The following DEPDC5 variants were observed in gnomAD, a reference collection of about 807,000 sequenced individuals.
DEPDC5 encodes GATOR1 complex protein DEPDC5.
A neutral mutation model predicts 217.3 loss-of-function variants in DEPDC5; 73 were observed. That is an observed-to-expected ratio of 0.34 (90% CI 0.28 to 0.41). The LOEUF (loss-of-function observed/expected upper bound fraction) is 0.41, where lower values mean the gene tolerates loss of function less well. DEPDC5 is among the 10% of genes least tolerant of loss of function. DEPDC5 has a pLI of 1.00. For synonymous variants in DEPDC5, 733 were observed against 756.7 expected (o/e 0.97, Z 0.51); for missense variants, 1,675 against 2,070.1 (o/e 0.81, Z 3.70).
chr22:31,902,432 A>G (rs1460350468), intron 41 of DEPDC5, among the ~76,000 whole-genome samples: 10 of 135,654 alleles, frequency 7.4e-5, no homozygotes, highest in Non-Finnish European at 1.4e-4. Flanking sequence ...ATATATATAT[A>G]TATACTTATA....
chr22:31,754,840 T>C lies in DEPDC5; in HGVS notation c.-60-22T>C. 2.6e-6 allele frequency: 4 copies of C among 1,530,768 alleles called. No homozygotes were observed. The South Asian group carries it at 4.5e-5, about 17-fold the overall frequency. 94.8% of individuals were successfully genotyped at this position (1,530,768 alleles called of 1,614,324 possible). On this transcript the variant is annotated intron_variant, in intron 1 of 42. Coordinates refer to ENST00000651528, the MANE Select transcript of DEPDC5 (RefSeq NM_001242896.3). ...AGGAAAAATCTGACATTCCAACCTT[T>C]TCGTTTGTATTTCTGTGGCAGGGAG... is the stretch of plus-strand genomic sequence containing the variant.
chr22:31,760,055 G>A (rs2082261598), intron 3 of DEPDC5, among the ~76,000 whole-genome samples: 1 of 147,050 alleles, frequency 6.8e-6, no homozygotes, highest in African/African-American at 2.6e-5. Flanking sequence ...TAGTGCGTAT[G>A]GAGTTTCTTT....
intron 4 of DEPDC5, among the ~76,000 whole-genome samples, chr22:31,761,545 C>T (rs1004929749): frequency 2.0e-5 from 3 of 151,670 alleles, no homozygotes; most frequent in African/African-American, 7.3e-5. Flanking sequence ...CGCTTATAGT[C>T]CTAGCTACTC....
intron 7 of DEPDC5, among the ~76,000 whole-genome samples, chr22:31,777,383 C>T (rs2083983435): frequency 6.6e-6 from 1 of 151,854 alleles, no homozygotes; most frequent in South Asian, 2.1e-4. Context: ...GCCTCAGCGT[C>T]CTGAGTAGCT....
At chr22:31,792,955 A>C (rs1179874713) in intron 12 of DEPDC5, 138 bp downstream of exon 12, 1 of 596,304 alleles carries the variant, frequency 1.7e-6, no homozygotes, top group African/African-American at 2.0e-5. Context: ...TTGTGGTCCC[A>C]GCTACTTGGG....
At chr22:31,810,711 C>T in intron 20 of DEPDC5, 70 bp downstream of exon 20, 1 of 1,570,582 alleles carries the variant, frequency 6.4e-7, no homozygotes, top group South Asian at 1.2e-5. Context: ...CAGTAGTGAC[C>T]TCTAAGAGAG....
At position 31,813,200 on chromosome 22, in the gene DEPDC5, C is replaced by A. The variant is rs142701929; in HGVS notation, c.1446-1792C>A. ...CTTAGAGCTCAGAATTAAGTGCTGT[C>A]AGCAGCCTCTCTCCTATGTGTGGAT... is the stretch of plus-strand genomic sequence containing the variant. On this transcript the variant is annotated intron_variant, in intron 20 of 42. Transcript: ENST00000651528. 3.1e-3 allele frequency among the ~76,000 whole-genome samples: 477 copies of A among 152,282 alleles called. 3 individuals are homozygous for A. The highest frequency in any genetic ancestry group is 5.3e-3 in the Non-Finnish European group (359 of 68,034).
At chr22:31,868,821 C>CT (rs1318726374) in intron 33 of DEPDC5, among the ~76,000 whole-genome samples, 2 of 152,306 alleles carry the variant, frequency 1.3e-5, no homozygotes, top group African/African-American at 4.8e-5. Flanking sequence ...TTAGGAGGTT[C>CT]TAAGAGCCTT....
chr22:31,774,930 A>G (rs562667042), intron 7 of DEPDC5, among the ~76,000 whole-genome samples: 1 of 151,838 alleles, frequency 6.6e-6, no homozygotes, highest in East Asian at 2.0e-4. Flanking sequence ...CCTCCTTATT[A>G]CAATATTAAA....
chr22:31,896,014 A>C (rs1269418800), intron 39 of DEPDC5, among the ~76,000 whole-genome samples: 1 of 151,310 alleles, frequency 6.6e-6, no homozygotes, highest in East Asian at 1.9e-4. Flanking sequence ...CCTACTAGAT[A>C]AGCATATCCC....
chr22:31,788,123 G>C (rs2047006338), intron 10 of DEPDC5, among the ~76,000 whole-genome samples: 1 of 151,694 alleles, frequency 6.6e-6, no homozygotes, highest in Non-Finnish European at 1.5e-5. Context: ...AATGGGCAAA[G>C]GACTTGAATC....
Position 31,809,173 on chromosome 22 carries a change from G to A in DEPDC5, c.1288-438G>A, listed in dbSNP as rs143893190. Among the ~76,000 whole-genome samples the A allele has an allele frequency of 2.0e-4, 30 of 152,204 alleles. 1 individual carries two copies. The East Asian group carries it at 5.8e-3, about 29-fold the overall frequency. ...CTTGTACTTCATTTCAGCAAATTGG[G>A]TGATATACAGAGTGCTCAGCTCTGG... On this transcript the variant is annotated intron_variant, in intron 18 of 42. Coordinates refer to ENST00000651528, the MANE Select transcript of DEPDC5 (RefSeq NM_001242896.3).
At chr22:31,816,369 T>C (rs1428276072) in intron 21 of DEPDC5, 1 of 152,092 alleles carries the variant, frequency 6.6e-6, no homozygotes, top group Non-Finnish European at 1.5e-5. Context: ...GCATTGATTT[T>C]GTACCGAATT....
chr22:31,897,637 C>G lies in DEPDC5; in HGVS notation c.4359C>G (p.Ser1453Arg). The change falls in exon 40 of 43, where the codon AGC (serine) becomes AGG (arginine). Residue 1453 changes from serine to arginine, a missense_variant. By Grantham distance (110) the Ser-to-Arg change is moderately radical (BLOSUM62 -1). Transcript: ENST00000651528. ...TCAGCTGCTTGCTCAAGGAGGGCAG[C>G]GAGCACCTGTTTGATAGTAAGAAAT... ...LNISCLLKEG[S>R]EHLFDSFEPE... 1 of 1,613,984 alleles carries G rather than the reference C, an allele frequency of 6.2e-7. No individual in the cohort carries two copies. Among genetic ancestry groups the G allele is most frequent in the Non-Finnish European group, 8.5e-7 (1 of 1,179,972 alleles).
intron 7 of DEPDC5, 27 bp from the exon 8 acceptor site, chr22:31,778,072 T>C (rs201589721): frequency 9.2e-5 from 148 of 1,613,404 alleles, no homozygotes; most frequent in Non-Finnish European, 1.2e-4. Flanking sequence ...GTAAGACTTG[T>C]AATAACTTGT....
intron 2 of DEPDC5, among the ~76,000 whole-genome samples, chr22:31,756,791 C>T (rs1008326103): frequency 5.9e-4 from 90 of 151,694 alleles, no homozygotes; most frequent in African/African-American, 2.1e-3. Flanking sequence ...TGTGGTGGTG[C>T]GTGCCTGTAA....
At chr22:31,822,075 G>A (rs1293524529) in intron 23 of DEPDC5, among the ~76,000 whole-genome samples, 1 of 152,184 alleles carries the variant, frequency 6.6e-6, no homozygotes, top group Non-Finnish European at 1.5e-5. Flanking sequence ...TTAATGCTAA[G>A]GGCAATGGAA....
rs1569060547 is a variant in DEPDC5 at position 31,837,081 on chromosome 22, C to T, written c.2280C>T (p.Phe760=). Residue 760 remains phenylalanine, a synonymous_variant, in exon 26 of 43, where the codon TTC becomes TTT. Transcript: ENST00000651528. The part of the protein sequence containing the change: ...PACLPLTTDY[F]PDRQGLQNDY... ...GCCTCCCCCTTACCACCGACTACTT[C>T]CCTGACCGCCAGGGCCTGCAGAATG... The T allele has an allele frequency of 6.2e-7, 1 of 1,614,078 alleles. No individual in the cohort carries two copies. Among genetic ancestry groups the T allele is most frequent in the Admixed American group, 1.7e-5 (1 of 60,006 alleles).
intron 27 of DEPDC5, among the ~76,000 whole-genome samples, chr22:31,840,026 G>C (rs1470053531): frequency 6.6e-6 from 1 of 152,164 alleles, no homozygotes; most frequent in Non-Finnish European, 1.5e-5. Context: ...TGATTCTACA[G>C]TATCTTTGAA....
Sources: allele counts gnomAD v4.1 joint callset (sites outside exome capture counted in the v4.1 genomes callset), GRCh38; gene constraint gnomAD v4.1.1; transcripts MANE v1.5; gene names NCBI Gene and HGNC (gene_info 2026-07-23, HGNC 2026-07-21).